TMEM179: variants seen among roughly 807,000 people sequenced by gnomAD.
TMEM179 encodes the protein transmembrane protein 179A.
TMEM179 carries 17 observed loss-of-function variants against 22.2 expected under a neutral mutation model. The observed-to-expected ratio is 0.77, with a 90% CI of 0.52 to 1.15. TMEM179 has a LOEUF of 1.15. Ranked by LOEUF, TMEM179 falls within the 50% of genes most tolerant of loss-of-function variation. The pLI is 0.00. For synonymous variants in TMEM179, 127 were observed against 140.5 expected, an observed-to-expected ratio of 0.90 and a Z score of 0.68; for missense variants, 265 against 313.6, an observed-to-expected ratio of 0.84 and a Z score of 1.17.
intron 2 of TMEM179, among the ~76,000 whole-genome samples, chr14:104,596,219 G>C (rs1244550210): frequency 6.6e-6 from 1 of 152,248 alleles, no homozygotes; most frequent in Non-Finnish European, 1.5e-5. Context: ...TTTCAGGTCT[G>C]GGTTTGCTTA....
At chr14:104,596,866 A>G (rs8021732) in intron 2 of TMEM179, 124 bp downstream of exon 2, 137,307 of 1,286,786 alleles carry the variant, frequency 0.11, 8,681 homozygotes, top group African/African-American at 0.27. Flanking sequence ...CACAGTGCAC[A>G]GTGGGACCAG....
chr14:104,598,669 C>T (rs986850074), intron 1 of TMEM179, among the ~76,000 whole-genome samples: 14 of 152,238 alleles, frequency 9.2e-5, no homozygotes, highest in Admixed American at 6.5e-4. Context: ...GGCCACAGCG[C>T]CCAACTCAGA....
intron 3 of TMEM179, chr14:104,594,531 G>A (rs1566742336): frequency 8.1e-7 from 1 of 1,231,268 alleles, no homozygotes; most frequent in Non-Finnish European, 1.0e-6. Context: ...CCCAATTCCA[G>A]GGTTCCCCCT....
At chr14:104,601,722 G>A (rs1887246635) in intron 1 of TMEM179, among the ~76,000 whole-genome samples, 2 of 152,174 alleles carry the variant, frequency 1.3e-5, no homozygotes, top group Admixed American at 1.3e-4. Context: ...GGTCAGTGGT[G>A]GGAGGATTGG....
chr14:104,593,706 T>C, intron 3 of TMEM179, 48 bp from the exon 4 acceptor site: 1 of 1,433,582 alleles, frequency 7.0e-7, no homozygotes, highest in Non-Finnish European at 9.1e-7. Context: ...GGGTCCGCTG[T>C]CAGTGCAACC....
Position 104,593,389 on chromosome 14 carries a change from G to A in TMEM179, c.*90C>T, listed in dbSNP as rs887102257. 2.4e-5 allele frequency: 35 copies of A among 1,479,322 alleles called. No homozygotes were observed. In the Admixed American group the frequency reaches 6.0e-4, roughly 25 times the overall value. 91.6% of individuals were successfully genotyped at this position (1,479,322 alleles called of 1,614,324 possible). A position where few individuals can be genotyped will look rare whatever the true frequency, so the allele number is the denominator to read the frequency against. ...CAGGGCTGCATGTGGCCAGGGCCCA[G>A]GCAGAGCCCCCCAGCTGCTTCCCCA... On this transcript the variant is annotated 3_prime_UTR_variant, in exon 4 of 4. Coordinates refer to ENST00000556573, the MANE Select transcript of TMEM179 (RefSeq NM_001286389.2).
In TMEM179 at chr14:104,591,632, A is replaced by C; in HGVS notation, c.*1847T>G. ...CCCCCGATGGGCACCTGCCAGCCTC[A>C]CTCCCGGGACCCAGGATGATGCCCC... On this transcript the variant is annotated 3_prime_UTR_variant, in exon 4 of 4. Transcript: ENST00000556573. The C allele has an allele frequency of 2.9e-6, 1 of 341,194 alleles. No homozygotes were observed. Among genetic ancestry groups the C allele is most frequent in the East Asian group, 8.9e-5 (1 of 11,190 alleles). The allele number at this position is 341,194 out of a possible 1,614,324, so 21.1% of individuals were successfully genotyped here. A position where few individuals can be genotyped will look rare whatever the true frequency, so the allele number is the denominator to read the frequency against.
intron 1 of TMEM179, among the ~76,000 whole-genome samples, chr14:104,599,038 CA>C (rs2140492588): frequency 6.6e-6 from 1 of 152,336 alleles, no homozygotes; most frequent in East Asian, 1.9e-4. Context: ...GCGCCACATC[CA>C]AAGCTCTCTG....
At position 104,591,442 on chromosome 14, in the gene TMEM179, G is replaced by A. The variant is rs1257902776; in HGVS notation, c.*2037C>T. On this transcript the variant is annotated 3_prime_UTR_variant, in exon 4 of 4. Transcript: ENST00000556573. ...CTGGAAAGAGTCCCCATGTCCAGTG[G>A]GTCAGGGCTGGAAGGGGAGACAGGG... The A allele has an allele frequency of 4.4e-6, 2 of 455,916 alleles. No individual in the cohort carries two copies. Among genetic ancestry groups the A allele is most frequent in the Admixed American group, 4.7e-5 (2 of 42,554 alleles). The allele number at this position is 455,916 out of a possible 1,614,324, so 28.2% of individuals were successfully genotyped here.
At chr14:104,600,726 G>T (rs1887210137) in intron 1 of TMEM179, among the ~76,000 whole-genome samples, 2 of 152,070 alleles carry the variant, frequency 1.3e-5, no homozygotes, top group Admixed American at 1.3e-4. Context: ...CACACTTCTG[G>T]GCACGAGCTC....
At chr14:104,598,757 GTT>G (rs1887133590) in intron 1 of TMEM179, among the ~76,000 whole-genome samples, 1 of 152,216 alleles carries the variant, frequency 6.6e-6, no homozygotes, top group Non-Finnish European at 1.5e-5. Context: ...CGGACACACT[GTT>G]TTGGTGACTG....
chr14:104,595,334 G>A lies in TMEM179; in HGVS notation c.444-91C>T. The A allele has an allele frequency of 2.2e-6, 3 of 1,356,872 alleles. No individual in the cohort carries two copies. The highest frequency in any genetic ancestry group is 1.3e-5 in the South Asian group (1 of 75,078). 84.1% of individuals were successfully genotyped at this position (1,356,872 alleles called of 1,614,324 possible). A position where few individuals can be genotyped will look rare whatever the true frequency, so the allele number is the denominator to read the frequency against. Reference sequence around the variant, plus strand: ...CGCTGGCCAGAGAGCCAGGAGCTTTGCCCTACAATTGTTGGGCGAGGGGGT... The same window carrying A: ...CGCTGGCCAGAGAGCCAGGAGCTTTACCCTACAATTGTTGGGCGAGGGGGT... On this transcript the variant is annotated intron_variant, in intron 2 of 3. Coordinates refer to ENST00000556573, the MANE Select transcript of TMEM179 (RefSeq NM_001286389.2). The surrounding 1 kb of genome is among the most constrained non-coding windows in gnomAD (Gnocchi z 5.7).
chr14:104,603,001 T>C (rs1887290521), intron 1 of TMEM179, among the ~76,000 whole-genome samples: 1 of 152,176 alleles, frequency 6.6e-6, no homozygotes, highest in Non-Finnish European at 1.5e-5. Flanking sequence ...CTGGTGTCCC[T>C]GTAAAAAGAG....
Position 104,592,363 on chromosome 14 carries a change from A to G in TMEM179, c.*1116T>C. ...CAGGCACACTCACAATCAAGCCTTC[A>G]CACGCACAACAGTCACACCCTCACA... On this transcript the variant is annotated 3_prime_UTR_variant, in exon 4 of 4. Coordinates refer to ENST00000556573, the MANE Select transcript of TMEM179 (RefSeq NM_001286389.2). 6.5e-6 allele frequency: 1 copy of G among 154,200 alleles called. No individual in the cohort carries two copies. The highest frequency in any genetic ancestry group is 1.8e-4 in the South Asian group (1 of 5,476). 9.6% of individuals were successfully genotyped at this position (154,200 alleles called of 1,614,324 possible).
chr14:104,591,297 C>T lies in TMEM179; in HGVS notation c.*2182G>A. ...CAAGCCTCAGGTTCCAGAAGCCACC[C>T]CTGCCTCCTGCCCCTCCTTCAGGGC... On this transcript the variant is annotated 3_prime_UTR_variant, in exon 4 of 4. Transcript: ENST00000556573. 2.2e-6 allele frequency: 1 copy of T among 447,882 alleles called. No individual in the cohort carries two copies. The highest frequency in any genetic ancestry group is 1.6e-5 in the South Asian group (1 of 63,190). 27.7% of individuals were successfully genotyped at this position (447,882 alleles called of 1,614,324 possible).
chr14:104,604,298 G>T lies in TMEM179; in HGVS notation c.305+139C>A. On this transcript the variant is annotated intron_variant, in intron 1 of 3. Coordinates refer to ENST00000556573, the MANE Select transcript of TMEM179 (RefSeq NM_001286389.2). This position sits in a 1 kb window ranked among gnomAD's most constrained non-coding sequence, Gnocchi z 4.6. ...GACAAAGGGCGGTCTGAGTGGAGGGGGTGAGGGCGGATTGTTGACATTTGC... is the reference window on the plus strand; with the variant it reads ...GACAAAGGGCGGTCTGAGTGGAGGGTGTGAGGGCGGATTGTTGACATTTGC... 3.2e-6 allele frequency: 3 copies of T among 930,770 alleles called. No homozygotes were observed. The highest frequency in any genetic ancestry group is 1.8e-5 in the African/African-American group (1 of 56,818). The allele number at this position is 930,770 out of a possible 1,614,324, so 57.7% of individuals were successfully genotyped here. A position where few individuals can be genotyped will look rare whatever the true frequency, so the allele number is the denominator to read the frequency against.
At position 104,604,539 on chromosome 14, in the gene TMEM179, G is replaced by C; in HGVS notation, c.203C>G (p.Pro68Arg). 2 of 1,538,700 alleles carry C rather than the reference G, an allele frequency of 1.3e-6. No homozygotes were observed. Among genetic ancestry groups the C allele is most frequent in the Non-Finnish European group, 1.7e-6 (2 of 1,145,852 alleles). Reference protein sequence around the residue: ...ERFTVQEWGPPAACRFSLLAS... With the variant: ...ERFTVQEWGPRAACRFSLLAS... ...GAGCAGGCTGAAGCGGCAGGCGGCC[G>C]GCGGGCCCCACTCCTGCACCGTGAA... is the stretch of plus-strand genomic sequence containing the variant. Residue 68 changes from proline (P) to arginine (R), a missense_variant, in exon 1 of 4, where the codon CCG (proline) becomes CGG (arginine). Coordinates refer to ENST00000556573, the MANE Select transcript of TMEM179 (RefSeq NM_001286389.2). The surrounding 1 kb of genome is among the most constrained non-coding windows in gnomAD (Gnocchi z 4.6).
rs1886832873 is a variant in TMEM179, at chr14:104,591,164, CTA to C, written c.*2313_*2314del. The C allele has an allele frequency of 2.8e-6, 1 of 356,764 alleles. No homozygotes were observed. Among genetic ancestry groups the C allele is most frequent in the African/African-American group, 2.2e-5 (1 of 46,384 alleles). 22.1% of individuals were successfully genotyped at this position (356,764 alleles called of 1,614,324 possible). The stretch of plus-strand genomic sequence containing the variant: ...GGAGACAGCCCAGTCCAGGGTGGGT[CTA>C]TGTCTGCATGCAGCCGAGGATTTCC... On this transcript the variant is annotated 3_prime_UTR_variant, in exon 4 of 4. Transcript: ENST00000556573.
chr14:104,594,992 C>T, intron 3 of TMEM179, 173 bp downstream of exon 3: 1 of 1,483,844 alleles, frequency 6.7e-7, no homozygotes, highest in Non-Finnish European at 8.9e-7. Context: ...CTCTCCCCCA[C>T]CTCCTGCAGG....
Sources: allele counts gnomAD v4.1 joint callset (sites outside exome capture counted in the v4.1 genomes callset), GRCh38; gene constraint gnomAD v4.1.1; non-coding constraint Gnocchi (gnomAD v3.1); transcripts MANE v1.5; gene names NCBI Gene and HGNC (gene_info 2026-07-23, HGNC 2026-07-21).